The following COG5 variants were observed in gnomAD, a reference collection of about 807,000 sequenced individuals.
COG5 encodes component of oligomeric golgi complex 5, also known as conserved oligomeric Golgi complex subunit 5.
COG5 carries 86 observed loss-of-function variants against 110.4 expected under a neutral mutation model. The ratio of observed to expected loss-of-function variants is 0.78; its 90% CI spans 0.65 to 0.93. The LOEUF is 0.93. COG5 is among the 40% of genes least tolerant of loss of function. COG5 has a pLI of 0.00. For synonymous variants in COG5, 360 were observed against 334.6 expected (o/e 1.08, Z -0.83); for missense variants, 1,077 against 987.0 (o/e 1.09, Z -1.22).
intron 11 of COG5, among the ~76,000 whole-genome samples, chr7:107,299,460 A>C (rs1486333630): frequency 6.6e-6 from 1 of 152,156 alleles, no homozygotes; most frequent in East Asian, 1.9e-4. Flanking sequence ...TGAAAGAAAC[A>C]AACTAACAAA....
At chr7:107,271,758 T>A (rs1422585656) in intron 14 of COG5, among the ~76,000 whole-genome samples, 1 of 152,112 alleles carries the variant, frequency 6.6e-6, no homozygotes, top group Non-Finnish European at 1.5e-5. Flanking sequence ...ATCTTTATTA[T>A]TTCCTTCTTA....
At chr7:107,301,645 G>C (rs1786437301) in intron 11 of COG5, among the ~76,000 whole-genome samples, 1 of 152,122 alleles carries the variant, frequency 6.6e-6, no homozygotes, top group Non-Finnish European at 1.5e-5. Context: ...GAGGTGGGTG[G>C]ATCACCTGAG....
intron 6 of COG5, among the ~76,000 whole-genome samples, chr7:107,421,735 C>A (rs912049354): frequency 6.7e-6 from 1 of 149,884 alleles, no homozygotes; most frequent in Non-Finnish European, 1.5e-5. Flanking sequence ...CACTGCACTC[C>A]AGCCTGGGAG....
At chr7:107,547,745 A>G (rs1802550609) in intron 5 of COG5, among the ~76,000 whole-genome samples, 1 of 152,182 alleles carries the variant, frequency 6.6e-6, no homozygotes, top group Non-Finnish European at 1.5e-5. Context: ...TGAACTATCC[A>G]AAGAAATAAT....
intron 6 of COG5, among the ~76,000 whole-genome samples, chr7:107,435,333 T>C (rs1794299697): frequency 6.6e-6 from 1 of 152,098 alleles, no homozygotes; most frequent in Non-Finnish European, 1.5e-5. Flanking sequence ...AAACAGAAGA[T>C]AACAATTGTT....
chr7:107,212,178 G>T (rs139530021), intron 19 of COG5, among the ~76,000 whole-genome samples: 50 of 152,290 alleles, frequency 3.3e-4, no homozygotes, highest in African/African-American at 1.2e-3. Context: ...ATTATTATTA[G>T]TAAAGATGGC....
chr7:107,411,300 T>C (rs570979830), intron 7 of COG5, among the ~76,000 whole-genome samples: 108 of 152,226 alleles, frequency 7.1e-4, no homozygotes, highest in African/African-American at 2.6e-3. Flanking sequence ...CCTTCTCTTT[T>C]GAAGATCTAA....
intron 3 of COG5, among the ~76,000 whole-genome samples, chr7:107,551,121 C>A (rs897963918): frequency 1.3e-5 from 2 of 152,142 alleles, no homozygotes; most frequent in African/African-American, 2.4e-5. Flanking sequence ...CGGCTCACTG[C>A]AAGCTCCACC....
chr7:107,312,432 A>G (rs1171251507), intron 11 of COG5, among the ~76,000 whole-genome samples: 3 of 152,184 alleles, frequency 2.0e-5, no homozygotes, highest in Admixed American at 6.5e-5. Context: ...AAGTGCTGAA[A>G]TCGGGTACAT....
chr7:107,498,213 T>C (rs1005393967), intron 6 of COG5, among the ~76,000 whole-genome samples: 7 of 152,158 alleles, frequency 4.6e-5, no homozygotes, highest in East Asian at 1.9e-4. Flanking sequence ...CTCTGTACCA[T>C]TGGTCTTGGC....
chr7:107,299,940 T>G (rs1807121284), intron 11 of COG5, among the ~76,000 whole-genome samples: 1 of 148,882 alleles, frequency 6.7e-6, no homozygotes, highest in African/African-American at 2.5e-5. Flanking sequence ...AGGCTGTTCT[T>G]TAACTCCTAG....
intron 6 of COG5, among the ~76,000 whole-genome samples, chr7:107,487,114 C>T (rs1797700671): frequency 6.6e-6 from 1 of 151,920 alleles, no homozygotes; most frequent in Non-Finnish European, 1.5e-5. Context: ...TAAAATTAAA[C>T]CTAAAACATC....
chr7:107,445,025 A>C (rs933730311), intron 6 of COG5, among the ~76,000 whole-genome samples: 1 of 152,060 alleles, frequency 6.6e-6, no homozygotes, highest in African/African-American at 2.4e-5. Flanking sequence ...CTGTCTCTAC[A>C]AAAAATACCA....
intron 6 of COG5, among the ~76,000 whole-genome samples, chr7:107,464,330 C>T (rs1227841484): frequency 6.6e-6 from 1 of 152,168 alleles, no homozygotes; most frequent in African/African-American, 2.4e-5. Context: ...GGCCCTGAGG[C>T]TTGCTGTTTT....
chr7:107,266,065 T>C (rs547818522), intron 14 of COG5, among the ~76,000 whole-genome samples: 11 of 151,540 alleles, frequency 7.3e-5, no homozygotes, highest in South Asian at 4.2e-4. Flanking sequence ...ATAACAACAA[T>C]AATAATAATA....
chr7:107,436,452 G>C lies in COG5; in HGVS notation c.539-23820C>G, dbSNP rs145569217. On this transcript the variant is annotated intron_variant, in intron 6 of 21. Transcript: ENST00000297135. ...TGGTTGCCAGGGGCTGAGGGTGGGG[G>C]AGAATGGGCAGTTAGTATTTAATGA... Among the ~76,000 whole-genome samples the C allele has an allele frequency of 3.9e-5, 6 of 152,236 alleles. No individual in the cohort carries two copies. The East Asian group carries it at 1.2e-3, about 29-fold the overall frequency.
chr7:107,486,081 C>T (rs375585223), intron 6 of COG5, among the ~76,000 whole-genome samples: 1 of 152,120 alleles, frequency 6.6e-6, no homozygotes, highest in African/African-American at 2.4e-5. Flanking sequence ...AATGTAGAAA[C>T]AGACAGAGAT....
chr7:107,272,556 T>C (rs2116730212), intron 14 of COG5, among the ~76,000 whole-genome samples: 1 of 152,194 alleles, frequency 6.6e-6, no homozygotes, highest in African/African-American at 2.4e-5. Context: ...ATATACGGGG[T>C]TCACAATTTC....
chr7:107,560,441 A>G (rs1472264909), intron 1 of COG5, among the ~76,000 whole-genome samples: 1 of 152,244 alleles, frequency 6.6e-6, no homozygotes. Flanking sequence ...AAAATGGGTG[A>G]TTAGGTAGAA....
Sources: allele counts gnomAD v4.1 joint callset (sites outside exome capture counted in the v4.1 genomes callset), GRCh38; gene constraint gnomAD v4.1.1; transcripts MANE v1.5; gene names NCBI Gene and HGNC (gene_info 2026-07-23, HGNC 2026-07-21).